Variants in ERC2 observed in about 807,000 individuals in gnomAD.
ERC2 encodes ERC protein 2.
ERC2 carries 42 observed loss-of-function variants against 114.8 expected under a neutral mutation model. The observed-to-expected ratio is 0.37, with a 90% CI of 0.29 to 0.47. The LOEUF is 0.47. Among genes scored for constraint, ERC2 ranks in the 20% least tolerant of loss-of-function variants. The probability of loss-of-function intolerance (pLI) is 0.99; values close to 1 mark genes in which losing one functional copy is unlikely to be tolerated. For missense variants in ERC2, 939 were observed against 1,150.7 expected (o/e 0.82, Z 2.66); for synonymous variants, 454 against 425.5 (o/e 1.07, Z -0.82).
At chr3:55,941,019 T>A (rs1361111679) in intron 13 of ERC2, among the ~76,000 whole-genome samples, 1 of 152,226 alleles carries the variant, frequency 6.6e-6, no homozygotes, top group African/African-American at 2.4e-5. Context: ...TTTCTCTTGC[T>A]TAAATTAACA....
intron 12 of ERC2, among the ~76,000 whole-genome samples, chr3:55,964,779 T>A (rs1310649877): frequency 6.6e-6 from 1 of 152,218 alleles, no homozygotes; most frequent in Non-Finnish European, 1.5e-5. Flanking sequence ...AACCGGGGAA[T>A]AATGTGCTTC....
At chr3:55,927,148 G>A (rs1351517915) in intron 13 of ERC2, among the ~76,000 whole-genome samples, 2 of 152,170 alleles carry the variant, frequency 1.3e-5, no homozygotes, top group Middle Eastern at 3.4e-3. Context: ...CCCATCTGAA[G>A]GTCCACATTC....
intron 17 of ERC2, among the ~76,000 whole-genome samples, chr3:55,683,115 G>C (rs1049191386): frequency 6.6e-6 from 1 of 152,170 alleles, no homozygotes; most frequent in Admixed American, 6.5e-5. Context: ...CTAATGCAAA[G>C]CCTCATAGAA....
intron 14 of ERC2, among the ~76,000 whole-genome samples, chr3:55,798,971 TA>T (rs891384587): frequency 3.3e-5 from 5 of 152,112 alleles, no homozygotes; most frequent in Non-Finnish European, 7.4e-5. Context: ...AATTTATTGC[TA>T]AAAAAATAAA....
intron 17 of ERC2, among the ~76,000 whole-genome samples, chr3:55,587,162 C>T (rs1004411542): frequency 3.3e-5 from 5 of 151,694 alleles, no homozygotes; most frequent in African/African-American, 1.2e-4. Context: ...TTTTTCTTTT[C>T]TTTCTTTCTT....
intron 14 of ERC2, among the ~76,000 whole-genome samples, chr3:55,781,427 C>G (rs77186271): frequency 2.8e-4 from 43 of 152,226 alleles, no homozygotes; most frequent in African/African-American, 9.9e-4. Context: ...CTAATGGAAG[C>G]CTGGGGGAAG....
intron 17 of ERC2, among the ~76,000 whole-genome samples, chr3:55,595,926 C>G (rs2058104396): frequency 6.6e-6 from 1 of 152,176 alleles, no homozygotes; most frequent in Non-Finnish European, 1.5e-5. Flanking sequence ...AGTGACCATG[C>G]TCTGCACTTT....
chr3:55,517,309 C>T (rs1245254052), intron 17 of ERC2, among the ~76,000 whole-genome samples: 2 of 151,804 alleles, frequency 1.3e-5, no homozygotes, highest in East Asian at 1.9e-4. Flanking sequence ...GGCGTAATGG[C>T]GGGCACCTGT....
chr3:56,178,350 C>A (rs564737115), intron 3 of ERC2, among the ~76,000 whole-genome samples: 19 of 152,290 alleles, frequency 1.2e-4, no homozygotes, highest in African/African-American at 4.1e-4. Context: ...ACAAACCACC[C>A]CAAACTTAAT....
chr3:55,818,157 C>T (rs568005626), intron 14 of ERC2, among the ~76,000 whole-genome samples: 24 of 152,280 alleles, frequency 1.6e-4, no homozygotes, highest in African/African-American at 4.8e-4. Context: ...TGGAAGGAGA[C>T]CATACCCTGA....
chr3:56,369,382 G>T (rs2059274934), intron 2 of ERC2, among the ~76,000 whole-genome samples: 2 of 152,098 alleles, frequency 1.3e-5, no homozygotes, highest in South Asian at 4.1e-4. Flanking sequence ...ACAGTCAATG[G>T]CATCTCCATT....
chr3:55,803,535 T>C (rs2059382990), intron 14 of ERC2, among the ~76,000 whole-genome samples: 1 of 152,084 alleles, frequency 6.6e-6, no homozygotes, highest in African/African-American at 2.4e-5. Context: ...GGTAATTTTT[T>C]TTTTTTGTAA....
At chr3:56,058,037 T>C (rs1449459534) in intron 7 of ERC2, among the ~76,000 whole-genome samples, 2 of 152,214 alleles carry the variant, frequency 1.3e-5, no homozygotes, top group African/African-American at 4.8e-5. Context: ...ATAATCAATG[T>C]GATTTTCAGA....
In ERC2 at chr3:56,040,504, T is replaced by C. The variant is rs1242349302; in HGVS notation, c.1642-21473A>G. 1.4e-5 allele frequency among the ~76,000 whole-genome samples: 2 copies of C among 141,424 alleles called. 1 individual carries two copies. The highest frequency in any genetic ancestry group is 5.1e-5 in the African/African-American group (2 of 39,206). The allele number at this position is 141,424 out of a possible 152,430, so 92.8% of individuals were successfully genotyped here. A position where few individuals can be genotyped will look rare whatever the true frequency, so the allele number is the denominator to read the frequency against. The stretch of plus-strand genomic sequence containing the variant: ...GCATAAGCTACAGCACTCATCTCCC[T>C]TATAGCTATTCTCTAAGGGGAGATA... On this transcript the variant is annotated intron_variant, in intron 7 of 17. Transcript: ENST00000288221.
At chr3:55,523,241 G>C (rs2053083404) in intron 17 of ERC2, among the ~76,000 whole-genome samples, 1 of 152,230 alleles carries the variant, frequency 6.6e-6, no homozygotes, top group African/African-American at 2.4e-5. Flanking sequence ...TATACCAGTG[G>C]CCTCAGCTTT....
At chr3:56,381,173 A>G (rs1285834194) in intron 2 of ERC2, among the ~76,000 whole-genome samples, 1 of 152,208 alleles carries the variant, frequency 6.6e-6, no homozygotes, top group African/African-American at 2.4e-5. Context: ...CTACTTTTTA[A>G]AGAAAAAAAT....
chr3:56,241,392 C>A (rs1254583761), intron 3 of ERC2, among the ~76,000 whole-genome samples: 2 of 152,098 alleles, frequency 1.3e-5, no homozygotes, highest in East Asian at 3.8e-4. Context: ...AGTCAAAAAA[C>A]AACAGATGTC....
intron 8 of ERC2, among the ~76,000 whole-genome samples, chr3:56,014,193 A>C (rs550533168): frequency 6.6e-6 from 1 of 152,334 alleles, no homozygotes; most frequent in Admixed American, 6.5e-5. Flanking sequence ...TGAGCATCAT[A>C]ATTTTTAAAA....
intron 13 of ERC2, among the ~76,000 whole-genome samples, chr3:55,929,242 G>A (rs2149398966): frequency 6.6e-6 from 1 of 152,254 alleles, no homozygotes; most frequent in East Asian, 1.9e-4. Flanking sequence ...TAAACAGAGA[G>A]CTCCCCCTAA....
Sources: gnomAD v4.1 joint callset for allele counts (sites outside exome capture counted in the v4.1 genomes callset) on GRCh38, gnomAD v4.1.1 for gene constraint, MANE v1.5 for transcripts, NCBI Gene and HGNC (gene_info 2026-07-23, HGNC 2026-07-21) for gene names.